LPIN1: variants seen among roughly 807,000 people sequenced by gnomAD.
LPIN1 encodes lipin 1, also known as phosphatidate phosphatase LPIN1.
A neutral mutation model predicts 107.5 loss-of-function variants in LPIN1; 71 were observed. That is an observed-to-expected ratio of 0.66 (90% CI 0.55 to 0.80). The LOEUF is 0.80. LPIN1 is among the 30% of genes least tolerant of loss of function. The pLI, the probability that LPIN1 is intolerant of heterozygous loss-of-function variation, is 0.00. For missense variants in LPIN1, 1,043 were observed against 1,160.6 expected (o/e 0.90, Z 1.47); for synonymous variants, 445 against 452.6 (o/e 0.98, Z 0.21).
intron 1 of LPIN1, among the ~76,000 whole-genome samples, chr2:11,685,174 G>A (rs1572300397): frequency 6.6e-6 from 1 of 152,320 alleles, no homozygotes; most frequent in East Asian, 1.9e-4. Context: ...GGAGTGAGCG[G>A]AGGCCTCAGG....
chr2:11,713,454 A>G (rs1204154749), intron 1 of LPIN1, among the ~76,000 whole-genome samples: 1 of 152,196 alleles, frequency 6.6e-6, no homozygotes, highest in Admixed American at 6.5e-5. Context: ...TATTTTTAGT[A>G]GAGACAGGGT....
chr2:11,811,328 A>T (rs1434099994), intron 17 of LPIN1, among the ~76,000 whole-genome samples: 2 of 152,156 alleles, frequency 1.3e-5, no homozygotes, highest in African/African-American at 2.4e-5. Flanking sequence ...TGTGAGGGGC[A>T]CCATGGAGAC....
intron 1 of LPIN1, among the ~76,000 whole-genome samples, chr2:11,739,030 G>A (rs78349502): frequency 0.01 from 1,578 of 152,342 alleles, 22 homozygotes; most frequent in African/African-American, 0.036. Context: ...TTGAATGTGG[G>A]CTGGGCTTAC....
intron 1 of LPIN1, among the ~76,000 whole-genome samples, chr2:11,756,493 A>T (rs534384553): frequency 1.3e-5 from 2 of 152,070 alleles, no homozygotes; most frequent in Non-Finnish European, 1.5e-5. Flanking sequence ...GGTTCAAGCA[A>T]TTCTCCTGCC....
In LPIN1 at chr2:11,815,243, A is replaced by G. The variant is rs965822790; in HGVS notation, c.2402+3A>G. ...AGCCTCTTCTCTGCCCTGCACAGGT[A>G]CCAGGCCTGCTCCCTGCACCTCCAT... On this transcript the variant is annotated splice_donor_region_variant and intron_variant, in intron 18 of 20. Transcript: ENST00000674199. The G allele has an allele frequency of 6.2e-7, 1 of 1,613,866 alleles. No homozygotes were observed. The highest frequency in any genetic ancestry group is 1.7e-5 in the Admixed American group (1 of 60,014).
intron 1 of LPIN1, among the ~76,000 whole-genome samples, chr2:11,691,151 A>C (rs537835498): frequency 3.3e-5 from 5 of 149,684 alleles, no homozygotes; most frequent in Non-Finnish European, 7.4e-5. Context: ...GTTCTCTAGC[A>C]ACAAGGCTGG....
chr2:11,746,804 C>T, intron 1 of LPIN1, 133 bp downstream of exon 1: 1 of 266,242 alleles, frequency 3.8e-6, no homozygotes, highest in Non-Finnish European at 5.8e-6. Context: ...GCCCGAGGAC[C>T]GACGGCCGGG....
rs1310624194 is a variant in LPIN1 at position 11,765,043 on chromosome 2, T to TGATG, written c.-9-486_-9-483dup. 7.7e-4 allele frequency among the ~76,000 whole-genome samples: 117 copies of TGATG among 152,220 alleles called. No homozygotes were observed. Among genetic ancestry groups the TGATG allele is most frequent in the African/African-American group, 2.7e-3 (113 of 41,516 alleles). On this transcript the variant is annotated intron_variant, in intron 1 of 20. Transcript: ENST00000674199. This position sits in a 1 kb window ranked among gnomAD's most constrained non-coding sequence, Gnocchi z 4.4. Reference sequence around the variant, plus strand: ...GGCCGTGATGGGCCATGATGGGCTGTGATGGATCCTGATGGGCCGTGATGG... The same window carrying TGATG: ...GGCCGTGATGGGCCATGATGGGCTGTGATGGATGGATCCTGATGGGCCGTGATGG...
At chr2:11,711,599 T>C (rs58026116) in intron 1 of LPIN1, among the ~76,000 whole-genome samples, 27,620 of 152,194 alleles carry the variant, frequency 0.18, 3,232 homozygotes, top group South Asian at 0.26. Flanking sequence ...TCACCCAGAC[T>C]AGAAACTTCA....
intron 1 of LPIN1, among the ~76,000 whole-genome samples, chr2:11,759,389 C>T (rs551738046): frequency 2.6e-5 from 4 of 151,546 alleles, no homozygotes; most frequent in Non-Finnish European, 5.9e-5. Context: ...TGACTCTTAA[C>T]GAGCCTGCTG....
At chr2:11,729,984 C>A (rs1015862659) in intron 1 of LPIN1, among the ~76,000 whole-genome samples, 7 of 151,844 alleles carry the variant, frequency 4.6e-5, no homozygotes, top group Non-Finnish European at 8.8e-5. Flanking sequence ...TTAGAAAATT[C>A]TAGTCTATTA....
intron 1 of LPIN1, among the ~76,000 whole-genome samples, chr2:11,738,339 C>G (rs1258095348): frequency 2.7e-5 from 4 of 149,620 alleles, no homozygotes; most frequent in Non-Finnish European, 5.9e-5. Context: ...ACCTATATAA[C>G]AAACCCGCAC....
intron 18 of LPIN1, among the ~76,000 whole-genome samples, chr2:11,815,884 T>G (rs1680497966): frequency 6.6e-6 from 1 of 151,970 alleles, no homozygotes; most frequent in Non-Finnish European, 1.5e-5. Context: ...CCCCTTGGAG[T>G]TGGAGGAAGA....
chr2:11,759,141 C>CTTTA (rs761747325), intron 1 of LPIN1, among the ~76,000 whole-genome samples: 107 of 83,466 alleles, frequency 1.3e-3, no homozygotes, highest in African/African-American at 5.0e-3. Context: ...TCTTTTCTTT[C>CTTTA]TTTCTTTCTT....
chr2:11,816,654 A>G (rs929947691), intron 18 of LPIN1: 2 of 151,884 alleles, frequency 1.3e-5, no homozygotes, highest in Non-Finnish European at 2.9e-5. Context: ...TAGGGCTGCC[A>G]TCAAGCCAGA....
intron 1 of LPIN1, among the ~76,000 whole-genome samples, chr2:11,713,039 A>T (rs1663509953): frequency 6.6e-6 from 1 of 152,226 alleles, no homozygotes; most frequent in Non-Finnish European, 1.5e-5. Context: ...CAGGTAAGAA[A>T]ACAAGCCCTG....
intron 2 of LPIN1, among the ~76,000 whole-genome samples, chr2:11,766,585 A>G (rs1271178294): frequency 2.0e-5 from 3 of 152,276 alleles, no homozygotes; most frequent in African/African-American, 4.8e-5. Context: ...CACACGTGCA[A>G]CTGAGCTTCT....
At chr2:11,693,691 C>T (rs1282941946) in intron 1 of LPIN1, among the ~76,000 whole-genome samples, 2 of 149,832 alleles carry the variant, frequency 1.3e-5, no homozygotes, top group Non-Finnish European at 3.0e-5. Context: ...ATTTGCTGTA[C>T]CTCCCTCTCA....
Position 11,803,024 on chromosome 2 carries a change from C to A in LPIN1, c.2004C>A (p.Ser668=). ...ACAAGAAGACTCTCCGGCTGACTTCCGAGCAGCTTGTGAGTCTCCCATGCT... is the reference window on the plus strand; with the variant it reads ...ACAAGAAGACTCTCCGGCTGACTTCAGAGCAGCTTGTGAGTCTCCCATGCT... ...VSYKKTLRLT[S]EQLKSLKLKN... is the part of the protein sequence containing the mutation. The change falls in exon 15 of 21, where the codon TCC becomes TCA. Residue 668 remains serine (S), a synonymous_variant. Transcript: ENST00000674199. The surrounding 1 kb of genome is among the most constrained non-coding windows in gnomAD (Gnocchi z 4.2). 6.2e-7 allele frequency: 1 copy of A among 1,612,478 alleles called. No individual in the cohort carries two copies. The highest frequency in any genetic ancestry group is 8.5e-7 in the Non-Finnish European group (1 of 1,180,038).
Sources: gnomAD v4.1 joint callset for allele counts (sites outside exome capture counted in the v4.1 genomes callset) on GRCh38, gnomAD v4.1.1 for gene constraint, Gnocchi (gnomAD v3.1) non-coding constraint, MANE v1.5 for transcripts, NCBI Gene and HGNC (gene_info 2026-07-23, HGNC 2026-07-21) for gene names.